Variants in NEB observed in about 807,000 individuals in gnomAD.
The protein encoded by NEB is nemaline myopathy type 2.
In NEB, 512 loss-of-function variants were observed where a neutral mutation model predicts 952.2. That is an observed-to-expected ratio of 0.54 (90% CI 0.50 to 0.58). The LOEUF (loss-of-function observed/expected upper bound fraction) is 0.58, where lower values mean the gene tolerates loss of function less well. Among genes scored for constraint, NEB ranks in the 20% least tolerant of loss-of-function variants. The pLI is 0.00. For missense variants in NEB, 8,428 were observed against 9,231.1 expected (o/e 0.91, Z 3.56); for synonymous variants, 2,900 against 3,149.8 (o/e 0.92, Z 2.66).
At chr2:151,650,101 T>G in intron 54 of NEB, 75 bp downstream of exon 54, 1 of 1,385,204 alleles carries the variant, frequency 7.2e-7, no homozygotes, top group Admixed American at 1.8e-5. Context: ...TTCTACTCAT[T>G]TATTAAGCAA....
rs774104867 is a variant in NEB at position 151,697,220 on chromosome 2, T to C, written c.1398A>G (p.Arg466=). ...TGGTCTGAGGGAAGAAGCCTTTGCCTCTGTCTTCTTCGTATTCTGCTTTGT... is the reference window on the plus strand; with the variant it reads ...TGGTCTGAGGGAAGAAGCCTTTGCCCCTGTCTTCTTCGTATTCTGCTTTGT... The part of the protein sequence containing the change: ...KNYKAEYEED[R]GKGFFPQTIT... The change falls in exon 16 of 182, where the codon AGA becomes AGG. Residue 466 remains arginine, a synonymous_variant. Transcript: ENST00000397345. 1 of 1,613,850 alleles carries C rather than the reference T, an allele frequency of 6.2e-7. No homozygotes were observed. The highest frequency in any genetic ancestry group is 1.7e-5 in the Admixed American group (1 of 60,032).
At chr2:151,648,217 T>C (rs1183915277) in intron 54 of NEB, among the ~76,000 whole-genome samples, 2 of 152,166 alleles carry the variant, frequency 1.3e-5, no homozygotes, top group Non-Finnish European at 2.9e-5. Context: ...AATTTTTTTG[T>C]CTCATTGATT....
At chr2:151,508,359 G>T (rs1259622030) in intron 161 of NEB, among the ~76,000 whole-genome samples, 1 of 152,188 alleles carries the variant, frequency 6.6e-6, no homozygotes. Context: ...GGCAAAGCTG[G>T]CAGAGGGGGA....
chr2:151,541,314 G>T (rs1401054905), intron 136 of NEB, 133 bp downstream of exon 136: 11 of 610,986 alleles, frequency 1.8e-5, no homozygotes, highest in Non-Finnish European at 3.2e-5. Flanking sequence ...TTCTTCAAGT[G>T]CAGTGTTAAT....
chr2:151,647,098 A>C (rs911296103), intron 54 of NEB, among the ~76,000 whole-genome samples: 1 of 151,666 alleles, frequency 6.6e-6, no homozygotes, highest in African/African-American at 2.4e-5. Context: ...AGTTTCACAG[A>C]CTTACTAAAA....
At position 151,526,028 on chromosome 2, in the gene NEB, C is replaced by G; in HGVS notation, c.22091G>C (p.Gly7364Ala). 1.2e-6 allele frequency: 2 copies of G among 1,613,972 alleles called. No individual in the cohort carries two copies. The highest frequency in any genetic ancestry group is 1.7e-6 in the Non-Finnish European group (2 of 1,179,872). ...GGTCTCTGGTAGTGTTGTGTATGAG[C>G]CCTGTGCCAAGTGCTTCTTGACATG... is the stretch of plus-strand genomic sequence containing the variant. ...KDHVKKHLAQGSYTTLPETRD... is the reference protein window; with the variant it reads ...KDHVKKHLAQASYTTLPETRD... The change falls in exon 150 of 182, where the codon GGC becomes GCC. Residue 7364 changes from glycine (G) to alanine (A), a missense_variant. Gly to Ala is a moderately conservative substitution (Grantham distance 60). Coordinates refer to ENST00000397345, the MANE Select transcript of NEB (RefSeq NM_001164508.2).
At position 151,568,685 on chromosome 2, in the gene NEB, T is replaced by G. The variant is rs756593205; in HGVS notation, c.17567A>C (p.Asn5856Thr). Residue 5856 changes from asparagine to threonine, a missense_variant, in exon 111 of 182, where the codon AAC (asparagine) becomes ACC (threonine). Coordinates refer to ENST00000397345, the MANE Select transcript of NEB (RefSeq NM_001164508.2). ...AACTCTGTCATCCACAGGCGTAAAG[T>G]TGAGAGTTTCTATTTTTGTGCGATA... ...KKYRTKIETL[N>T]FTPVDDRVDY... is the part of the protein sequence containing the mutation. 1.4e-5 allele frequency: 23 copies of G among 1,606,036 alleles called. No homozygotes were observed. The highest frequency in any genetic ancestry group is 2.7e-5 in the African/African-American group (2 of 74,842).
chr2:151,567,721 A>G (rs1302469396), intron 113 of NEB, among the ~76,000 whole-genome samples: 1 of 152,200 alleles, frequency 6.6e-6, no homozygotes, highest in African/African-American at 2.4e-5. Context: ...AATTTAAAAA[A>G]TAAAAATAGA....
Position 151,502,209 on chromosome 2 carries a change from G to GT in NEB, c.23928+583_23928+584insA, listed in dbSNP as rs200221888. 9.2e-5 allele frequency among the ~76,000 whole-genome samples: 14 copies of GT among 152,110 alleles called. No individual in the cohort carries two copies. In the East Asian group the frequency reaches 2.5e-3, roughly 27 times the overall value. Reference sequence around the variant, plus strand: ...ATAAGAATGATACAGTGAACTTTGGGGACTTGCAGGAAAGAGTGGAAGTGA... The same window carrying GT: ...ATAAGAATGATACAGTGAACTTTGGGTGACTTGCAGGAAAGAGTGGAAGTGA... On this transcript the variant is annotated intron_variant, in intron 167 of 181. Transcript: ENST00000397345.
At chr2:151,694,258 G>C in intron 20 of NEB, 65 bp downstream of exon 20, 2 of 1,339,884 alleles carry the variant, frequency 1.5e-6, no homozygotes, top group South Asian at 1.2e-5. Flanking sequence ...GTCCATCCAA[G>C]GTTATATTAA....
intron 157 of NEB, among the ~76,000 whole-genome samples, chr2:151,516,247 A>G (rs924548576): frequency 1.3e-5 from 2 of 152,220 alleles, no homozygotes; most frequent in Non-Finnish European, 2.9e-5. Flanking sequence ...CTGTTGAAAT[A>G]AGACATATGG....
chr2:151,652,588 G>A (rs1460740268), intron 52 of NEB, among the ~76,000 whole-genome samples: 1 of 152,140 alleles, frequency 6.6e-6, no homozygotes, highest in Admixed American at 6.6e-5. Context: ...GTAGGATGCT[G>A]AGTGGGAGAT....
At position 151,545,927 on chromosome 2, in the gene NEB, T is replaced by A; in HGVS notation, c.20538A>T (p.Glu6846Asp). 6.2e-7 allele frequency: 1 copy of A among 1,610,720 alleles called. No individual in the cohort carries two copies. The highest frequency in any genetic ancestry group is 8.5e-7 in the Non-Finnish European group (1 of 1,178,662). ...DKYKVVLDTPEYRKVQELKTH... is the reference protein window; with the variant it reads ...DKYKVVLDTPDYRKVQELKTH... Reference sequence around the variant, plus strand: ...TCTTCAGTTCTTGCACTTTTCTGTATTCTGGAGTGTCAAGCACCACTTTGT... The same window carrying A: ...TCTTCAGTTCTTGCACTTTTCTGTAATCTGGAGTGTCAAGCACCACTTTGT... Residue 6846 changes from glutamate (E) to aspartate (D), a missense_variant, in exon 135 of 182, where the codon GAA (glutamate) becomes GAT (aspartate). By Grantham distance (45) the Glu-to-Asp change is conservative (BLOSUM62 2). This residue lies in a region of NEB where 3,374 missense variants were observed against 3,651.5 expected (regional missense o/e 0.92). Transcript: ENST00000397345.
chr2:151,706,919 G>A lies in NEB; in HGVS notation c.1114C>T (p.Leu372Phe). 3 of 1,606,782 alleles carry A rather than the reference G, an allele frequency of 1.9e-6. No individual in the cohort carries two copies. The highest frequency in any genetic ancestry group is 2.6e-6 in the Non-Finnish European group (3 of 1,176,136). Reference sequence around the variant, plus strand: ...TCTCCTGCTGCCTTCAGCTGCCTAAGCTGTGGGTTCTCTGAAGCAGGAAGC... The same window carrying A: ...TCTCCTGCTGCCTTCAGCTGCCTAAACTGTGGGTTCTCTGAAGCAGGAAGC... ...NVLPASENPQLRQLKAAGDAL... is the reference protein window; with the variant it reads ...NVLPASENPQFRQLKAAGDAL... Residue 372 changes from leucine to phenylalanine, a missense_variant, in exon 13 of 182, where the codon CTT (leucine) becomes TTT (phenylalanine). Leu to Phe is a conservative substitution (Grantham distance 22). Transcript: ENST00000397345.
intron 161 of NEB, among the ~76,000 whole-genome samples, chr2:151,511,169 C>T (rs2073971668): frequency 6.6e-6 from 1 of 152,232 alleles, no homozygotes; most frequent in African/African-American, 2.4e-5. Flanking sequence ...TGGTGAGGCT[C>T]TCACAGCCCA....
rs1402176580 is a variant in NEB at position 151,707,007 on chromosome 2, T to A, written c.1036-10A>T. The A allele has an allele frequency of 1.3e-6, 2 of 1,509,158 alleles. No homozygotes were observed. Among genetic ancestry groups the A allele is most frequent in the Non-Finnish European group, 1.8e-6 (2 of 1,106,862 alleles). The allele number at this position is 1,509,158 out of a possible 1,614,324, so 93.5% of individuals were successfully genotyped here. A position where few individuals can be genotyped will look rare whatever the true frequency, so the allele number is the denominator to read the frequency against. On this transcript the variant is annotated splice_polypyrimidine_tract_variant and intron_variant, in intron 12 of 181. Transcript: ENST00000397345. The stretch of plus-strand genomic sequence containing the variant: ...CTTCTTTGTATTTTACCTGTAGGAG[T>A]GAAATAAAATGATAAAGTAACTCTA...
chr2:151,682,747 T>C lies in NEB; in HGVS notation c.2858A>G (p.Asn953Ser), dbSNP rs374881020. The stretch of plus-strand genomic sequence containing the variant: ...CCAGCCACAACCTTTCATCCAGCTA[T>C]TGTAGTCAGCTTTGTATTCAACCTA... The part of the protein sequence containing the change: ...QSDVEYKADY[N>S]SWMKGCGWVP... The change falls in exon 29 of 182, where the codon AAT becomes AGT. Residue 953 changes from asparagine (N) to serine (S), a missense_variant. Physicochemically the swap from Asn to Ser is conservative, Grantham distance 46 (BLOSUM62 1). Coordinates refer to ENST00000397345, the MANE Select transcript of NEB (RefSeq NM_001164508.2). The C allele has an allele frequency of 6.2e-7, 1 of 1,613,336 alleles. No individual in the cohort carries two copies. The highest frequency in any genetic ancestry group is 8.5e-7 in the Non-Finnish European group (1 of 1,179,502).
chr2:151,631,451 A>T, intron 65 of NEB, 105 bp from the exon 66 acceptor site: 9 of 1,274,444 alleles, frequency 7.1e-6, no homozygotes, highest in Non-Finnish European at 8.5e-6. Flanking sequence ...TTCTATTCGT[A>T]GAAAACAAGC....
intron 3 of NEB, 87 bp from the exon 4 acceptor site, chr2:151,729,743 C>A: frequency 7.4e-7 from 1 of 1,349,314 alleles, no homozygotes; most frequent in East Asian, 2.3e-5. Context: ...TAGGTGACTG[C>A]ACTAGCTCGG....
Sources: allele counts gnomAD v4.1 joint callset (sites outside exome capture counted in the v4.1 genomes callset), GRCh38; gene constraint gnomAD v4.1.1; regional missense constraint gnomAD v4.1.1; transcripts MANE v1.5; gene names NCBI Gene and HGNC (gene_info 2026-07-23, HGNC 2026-07-21).